LYZL2: variants seen among roughly 807,000 people sequenced by gnomAD.
LYZL2 encodes lysozyme-like protein 2.
In LYZL2, 13 loss-of-function variants were observed where a neutral mutation model predicts 17.1. The ratio of observed to expected loss-of-function variants is 0.76; its 90% CI spans 0.49 to 1.21. The LOEUF (loss-of-function observed/expected upper bound fraction) is 1.21, where lower values mean the gene tolerates loss of function less well. Among genes scored for constraint, LYZL2 ranks in the 50% most tolerant of loss-of-function variants. LYZL2 has a pLI of 0.00. For missense variants in LYZL2, 166 were observed against 189.2 expected (o/e 0.88, Z 0.72); for synonymous variants, 63 against 74.4 (o/e 0.85, Z 0.79).
chr10:30,613,454 A>G (rs1307831484), intron 3 of LYZL2, among the ~76,000 whole-genome samples: 6 of 151,648 alleles, frequency 4.0e-5, no homozygotes, highest in Non-Finnish European at 8.8e-5. Context: ...TTGTGTTTAC[A>G]TCACTGTACT....
At chr10:30,606,320 A>G in the LYZL2 span, among the ~76,000 whole-genome samples, 1 of 151,876 alleles carries the variant, frequency 6.6e-6, no homozygotes, top group Non-Finnish European at 1.5e-5. Context: ...AATCATAGAG[A>G]AGGAAAAATA....
At chr10:30,611,555 G>GA (rs1410789378), downstream of LYZL2, among the ~76,000 whole-genome samples, 116 of 91,810 alleles carry the variant, frequency 1.3e-3, no homozygotes, top group East Asian at 1.8e-3. Flanking sequence ...AGGAAGGAAG[G>GA]AAGGAAGGAA....
At chr10:30,611,209 T>C (rs2132930740), downstream of LYZL2, among the ~76,000 whole-genome samples, 1 of 152,212 alleles carries the variant, frequency 6.6e-6, no homozygotes, top group East Asian at 1.9e-4. Context: ...CTTAACACGA[T>C]GCCATTAAGA....
At chr10:30,606,484 C>T in the LYZL2 span, among the ~76,000 whole-genome samples, 56 of 151,854 alleles carry the variant, frequency 3.7e-4, no homozygotes, top group Non-Finnish European at 7.5e-4. Context: ...TGCCAAGCAG[C>T]TGGGACTAGC....
intron 3 of LYZL2, among the ~76,000 whole-genome samples, chr10:30,617,463 G>A (rs1588674746): frequency 6.6e-6 from 1 of 151,924 alleles, no homozygotes; most frequent in East Asian, 1.9e-4. Context: ...ATCACTTGAG[G>A]TCAGGAGTTT....
At chr10:30,624,225 A>T (rs60372611) in intron 3 of LYZL2, among the ~76,000 whole-genome samples, 2,289 of 152,274 alleles carry the variant, frequency 0.015, 53 homozygotes, top group African/African-American at 0.052. Context: ...GCGTCAATGG[A>T]TTCCCATGTC....
chr10:30,616,456 G>A (rs1268012307), intron 3 of LYZL2, among the ~76,000 whole-genome samples: 2 of 152,140 alleles, frequency 1.3e-5, no homozygotes, highest in East Asian at 1.9e-4. Context: ...AGGCTGAGGC[G>A]GGCAGATCGC....
chr10:30,619,308 G>A (rs932299896), intron 3 of LYZL2, among the ~76,000 whole-genome samples: 38 of 151,648 alleles, frequency 2.5e-4, no homozygotes, highest in Admixed American at 9.2e-4. Flanking sequence ...ACCATTTGAC[G>A]CAGCCATCCC....
chr10:30,612,131 G>A, intron 4 of LYZL2, 107 bp from the exon 5 acceptor site: 3 of 1,372,090 alleles, frequency 2.2e-6, no homozygotes, highest in Admixed American at 2.0e-5. Context: ...GGAACCCTGG[G>A]TTGGGTTTCA....
intron 3 of LYZL2, among the ~76,000 whole-genome samples, chr10:30,615,463 T>C (rs1338444147): frequency 6.6e-6 from 1 of 152,188 alleles, no homozygotes; most frequent in Non-Finnish European, 1.5e-5. Context: ...ATTGTGACCA[T>C]AGTTAATTAT....
intron 3 of LYZL2, among the ~76,000 whole-genome samples, chr10:30,621,662 C>T (rs984428851): frequency 4.6e-5 from 7 of 151,998 alleles, no homozygotes; most frequent in African/African-American, 1.5e-4. Context: ...GAAAATATTC[C>T]TCAAAATCAA....
At position 30,611,997 on chromosome 10, in the gene LYZL2, C is replaced by G. The variant is rs1054558; in HGVS notation, c.405G>C (p.Gly135=). 67 of 1,614,028 alleles carry G rather than the reference C, an allele frequency of 4.2e-5. No individual in the cohort carries two copies. The highest frequency in any genetic ancestry group is 1.8e-4 in the Admixed American group (11 of 59,998). ...CTTTTTTCCAGTCGGACAGGTCTCT[C>G]CCCTCACAGTGTTTCTTCCAGCCTT... ...YWQGWKKHCE[G]RDLSDWKKDC... is the part of the protein sequence containing the mutation. The change falls in exon 5 of 5, where the codon GGG becomes GGC. Residue 135 remains glycine (G), a synonymous_variant. Transcript: ENST00000647634.
At chr10:30,622,080 T>C (rs977592814) in intron 3 of LYZL2, among the ~76,000 whole-genome samples, 22 of 152,072 alleles carry the variant, frequency 1.4e-4, no homozygotes, top group African/African-American at 5.3e-4. Context: ...ATGATGCCTA[T>C]TGGAAACCCT....
At chr10:30,625,170 C>G (rs1316470845) in intron 3 of LYZL2, among the ~76,000 whole-genome samples, 1 of 152,238 alleles carries the variant, frequency 6.6e-6, no homozygotes, top group African/African-American at 2.4e-5. Flanking sequence ...TCCGCTGGCA[C>G]TCTTCCAGCC....
chr10:30,628,301 G>T (rs1263093833), intron 1 of LYZL2, among the ~76,000 whole-genome samples: 1 of 152,174 alleles, frequency 6.6e-6, no homozygotes, highest in Non-Finnish European at 1.5e-5. Flanking sequence ...GATTGCAAAT[G>T]CATTGCTTTG....
rs764856257 is a variant in LYZL2 at position 30,629,675 on chromosome 10, G to T, written c.-108C>A. ...GAAGAAACACTGCTCCACTTAGTCG[G>T]TGACAGGCAGCTCAGGGGAGCGTCC... On this transcript the variant is annotated 5_prime_UTR_variant, in exon 1 of 5. Coordinates refer to ENST00000647634, the MANE Select transcript of LYZL2 (RefSeq NM_183058.3). 1.2e-6 allele frequency: 2 copies of T among 1,613,966 alleles called. No homozygotes were observed. Among genetic ancestry groups the T allele is most frequent in the Non-Finnish European group, 1.7e-6 (2 of 1,179,848 alleles).
intron 1 of LYZL2, among the ~76,000 whole-genome samples, chr10:30,627,192 C>A (rs1350830136): frequency 2.0e-5 from 3 of 152,088 alleles, no homozygotes; most frequent in African/African-American, 7.2e-5. Flanking sequence ...AAAAAATTAA[C>A]CTTCCTTAAT....
chr10:30,618,886 G>C (rs1437665624), intron 3 of LYZL2, among the ~76,000 whole-genome samples: 1 of 152,130 alleles, frequency 6.6e-6, no homozygotes, highest in African/African-American at 2.4e-5. Context: ...AGAGTGAACA[G>C]GCAACCTACA....
downstream of LYZL2, among the ~76,000 whole-genome samples, chr10:30,607,395 C>T (rs1330658060): frequency 6.6e-6 from 1 of 151,952 alleles, no homozygotes; most frequent in East Asian, 1.9e-4. Context: ...CAAACTGCAG[C>T]TTCGTGTAAG....
Sources: gnomAD v4.1 joint callset for allele counts (sites outside exome capture counted in the v4.1 genomes callset) on GRCh38, gnomAD v4.1.1 for gene constraint, MANE v1.5 for transcripts, NCBI Gene and HGNC (gene_info 2026-07-23, HGNC 2026-07-21) for gene names.